Variants in MEF2C observed in about 807,000 individuals in gnomAD.
MEF2C encodes the protein myocyte-specific enhancer factor 2C.
Under a neutral mutation model 50.5 loss-of-function variants are expected in MEF2C, and 6 were observed. The observed-to-expected ratio is 0.12, with a 90% confidence interval of 0.07 to 0.23. MEF2C has a LOEUF of 0.23. Among genes scored for constraint, MEF2C ranks in the 10% least tolerant of loss-of-function variants. The pLI, the probability that MEF2C is intolerant of heterozygous loss-of-function variation, is 1.00. For missense variants in MEF2C, 276 were observed against 605.0 expected, an observed-to-expected ratio of 0.46 and a Z score of 5.70; for synonymous variants, 183 against 228.0, an observed-to-expected ratio of 0.80 and a Z score of 1.78.
intron 1 of MEF2C, among the ~76,000 whole-genome samples, chr5:88,868,944 G>A (rs1003041382): frequency 2.0e-5 from 3 of 151,820 alleles, no homozygotes; most frequent in Non-Finnish European, 4.4e-5. Context: ...CAATAGGCAC[G>A]TATACATTAT....
At chr5:88,886,139 T>G (rs1834025474), upstream of MEF2C, among the ~76,000 whole-genome samples, 1 of 152,168 alleles carries the variant, frequency 6.6e-6, no homozygotes, top group African/African-American at 2.4e-5. Context: ...TGACCTAAGT[T>G]AATATTACCA....
intron 3 of MEF2C, among the ~76,000 whole-genome samples, chr5:88,800,128 C>T (rs1326811290): frequency 6.6e-6 from 1 of 152,066 alleles, no homozygotes; most frequent in East Asian, 1.9e-4. Context: ...TCACTGAGTT[C>T]ACTGAGGGGA....
At chr5:88,769,836 G>T in intron 3 of MEF2C, 2 of 367,142 alleles carry the variant, frequency 5.4e-6, no homozygotes, top group Non-Finnish European at 7.5e-6. Context: ...GGTAGAGATG[G>T]GGTCTCACAA....
intron 2 of MEF2C, chr5:88,819,331 C>T (rs1383423406): frequency 8.1e-6 from 8 of 984,980 alleles, no homozygotes; most frequent in African/African-American, 3.5e-5. Context: ...ATCTTGGTCA[C>T]TTCCCAGTTT....
intron 1 of MEF2C, among the ~76,000 whole-genome samples, chr5:88,846,996 C>T (rs181512956): frequency 2.0e-4 from 30 of 152,260 alleles, no homozygotes; most frequent in Non-Finnish European, 3.4e-4. Context: ...GCTGCAAAAG[C>T]ACAAAATATT....
chr5:88,812,461 T>TAA (rs1803287978), intron 2 of MEF2C, among the ~76,000 whole-genome samples: 1 of 152,122 alleles, frequency 6.6e-6, no homozygotes, highest in Non-Finnish European at 1.5e-5. Flanking sequence ...CATTTTAACT[T>TAA]ACAGTAGAAA....
At chr5:88,773,040 GGGAA>G in intron 3 of MEF2C, 5 of 496,460 alleles carry the variant, frequency 1.0e-5, no homozygotes, top group Non-Finnish European at 1.3e-5. Context: ...CTGGGATTGT[GGGAA>G]CACAATACGT....
chr5:88,818,904 T>C (rs1806906756), intron 2 of MEF2C, among the ~76,000 whole-genome samples: 1 of 152,074 alleles, frequency 6.6e-6, no homozygotes, highest in African/African-American at 2.4e-5. Flanking sequence ...AGCTAATGGT[T>C]CAAAGAGCCT....
intron 2 of MEF2C, among the ~76,000 whole-genome samples, chr5:88,815,343 TC>T (rs1187926564): frequency 6.6e-6 from 1 of 152,014 alleles, no homozygotes; most frequent in Non-Finnish European, 1.5e-5. Context: ...CAATATTTTC[TC>T]CCCCAGGGCC....
intron 1 of MEF2C, among the ~76,000 whole-genome samples, chr5:88,872,403 T>C (rs1829785541): frequency 6.6e-6 from 1 of 152,002 alleles, no homozygotes; most frequent in South Asian, 2.1e-4. Context: ...ACATCAAATC[T>C]GTGAAAGGTT....
chr5:88,816,244 T>A (rs1389211582), intron 2 of MEF2C, among the ~76,000 whole-genome samples: 1 of 152,016 alleles, frequency 6.6e-6, no homozygotes, highest in Non-Finnish European at 1.5e-5. Flanking sequence ...GTTGGAGCAA[T>A]ATCTTTCTGG....
intron 1 of MEF2C, among the ~76,000 whole-genome samples, chr5:88,866,117 C>T (rs897977585): frequency 6.6e-6 from 1 of 152,180 alleles, no homozygotes; most frequent in African/African-American, 2.4e-5. Context: ...AGAATGGTCT[C>T]AATCTCCTAA....
intron 1 of MEF2C, among the ~76,000 whole-genome samples, chr5:88,849,367 T>A (rs1318403703): frequency 6.6e-6 from 1 of 152,164 alleles, no homozygotes; most frequent in East Asian, 1.9e-4. Flanking sequence ...CTCTTCTTTG[T>A]CCTGCAAAGA....
chr5:88,723,389 A>G (rs897776742), intron 10 of MEF2C, among the ~76,000 whole-genome samples: 6 of 152,242 alleles, frequency 3.9e-5, no homozygotes, highest in Non-Finnish European at 8.8e-5. Context: ...ATCAATATAA[A>G]TATTTGCCTC....
At chr5:88,878,747 GA>G (rs887612247) in intron 1 of MEF2C, among the ~76,000 whole-genome samples, 2 of 151,404 alleles carry the variant, frequency 1.3e-5, no homozygotes, top group Non-Finnish European at 3.0e-5. Flanking sequence ...GACACAGCAG[GA>G]AAAAAAATTA....
At chr5:88,736,951 T>G (rs1764381424) in intron 6 of MEF2C, 2 of 984,878 alleles carry the variant, frequency 2.0e-6, no homozygotes, top group Non-Finnish European at 2.4e-6. Flanking sequence ...TCTTTCATGA[T>G]GCCTTTCAGA....
rs1251126165 is a variant in MEF2C at position 88,820,285 on chromosome 5, A to C, written c.54+3450T>G. On this transcript the variant is annotated intron_variant, in intron 2 of 10. Coordinates refer to ENST00000504921, the MANE Select transcript of MEF2C (RefSeq NM_002397.5). Reference sequence around the variant, plus strand: ...ATTTTTTTAAATAAAAAAGCTGTCAATTTTTATTCTCACCTAAACTATTTT... The same window carrying C: ...ATTTTTTTAAATAAAAAAGCTGTCACTTTTTATTCTCACCTAAACTATTTT... Among the ~76,000 whole-genome samples the C allele has an allele frequency of 5.9e-5, 9 of 152,070 alleles. No individual in the cohort carries two copies. In the South Asian group the frequency reaches 1.4e-3, roughly 24 times the overall value.
At chr5:88,792,705 C>T (rs1580782767) in intron 3 of MEF2C, among the ~76,000 whole-genome samples, 2 of 152,092 alleles carry the variant, frequency 1.3e-5, no homozygotes, top group East Asian at 3.8e-4. Flanking sequence ...AACTGAGGAA[C>T]TGAATTGGAC....
chr5:88,728,655 G>A, intron 9 of MEF2C, 27 bp from the exon 10 acceptor site: 2 of 1,326,180 alleles, frequency 1.5e-6, no homozygotes, highest in East Asian at 5.9e-5. Flanking sequence ...AACAACAAGG[G>A]AAAATATTAA....
Sources: gnomAD v4.1 joint callset for allele counts (sites outside exome capture counted in the v4.1 genomes callset) on GRCh38, gnomAD v4.1.1 for gene constraint, MANE v1.5 for transcripts, NCBI Gene and HGNC (gene_info 2026-07-23, HGNC 2026-07-21) for gene names.